TRMT44: variants seen among roughly 807,000 people sequenced by gnomAD.
TRMT44 encodes probable tRNA (uracil-O(2)-)-methyltransferase.
TRMT44 carries 78 observed loss-of-function variants against 77.3 expected under a neutral mutation model. That is an observed-to-expected ratio of 1.01 (90% confidence interval 0.84 to 1.22). TRMT44 has a LOEUF of 1.22. TRMT44 is among the 50% of genes most tolerant of loss of function. TRMT44 has a pLI of 0.00. For missense variants in TRMT44, 1,090 were observed against 964.4 expected (o/e 1.13, Z -1.73); for synonymous variants, 391 against 383.3 (o/e 1.02, Z -0.23).
rs149314248 is a variant in TRMT44 at position 8,471,140 on chromosome 4, C to T, written c.1984C>T (p.Leu662=). The T allele has an allele frequency of 6.2e-7, 1 of 1,611,358 alleles. No individual in the cohort carries two copies. The highest frequency in any genetic ancestry group is 2.2e-5 in the East Asian group (1 of 44,638). Residue 662 remains leucine (L), a synonymous_variant, in exon 10 of 11, where the codon CTG becomes TTG. Coordinates refer to ENST00000389737, the MANE Select transcript of TRMT44 (RefSeq NM_152544.3). The part of the protein sequence containing the change: ...NELDTETLRR[L]KRECGGLQTL... ...GCTGGACACGGAGACCCTGCGGAGG[C>T]TGAAGCGGGAGTGTGGGGGCCTGCA...
chr4:8,500,255 G>A, the TRMT44 span, among the ~76,000 whole-genome samples: 1 of 152,122 alleles, frequency 6.6e-6, no homozygotes, highest in Non-Finnish European at 1.5e-5. Flanking sequence ...ACTTCAGGAG[G>A]CTGAGGCGGG....
Position 8,465,298 on chromosome 4 carries a change from G to A in TRMT44, c.1311-80G>A, listed in dbSNP as rs1726451123. ...CCCTATTTTGCCCTGATATGCGATT[G>A]CCGTGTGGCTTTGTTCCGAATTTCC... On this transcript the variant is annotated intron_variant, in intron 7 of 10. Transcript: ENST00000389737. 14 of 1,394,722 alleles carry A rather than the reference G, an allele frequency of 1.0e-5. No homozygotes were observed. In the South Asian group the frequency reaches 1.9e-4, roughly 19 times the overall value. 86.4% of individuals were successfully genotyped at this position (1,394,722 alleles called of 1,614,324 possible).
At chr4:8,478,125 G>C (rs1305616857), downstream of TRMT44, 2 of 152,936 alleles carry the variant, frequency 1.3e-5, no homozygotes, top group Non-Finnish European at 2.9e-5. Flanking sequence ...GGAGACAGGA[G>C]AGTGGCCACA....
the TRMT44 span, among the ~76,000 whole-genome samples, chr4:8,503,140 C>CT: frequency 2.6e-5 from 4 of 152,208 alleles, no homozygotes; most frequent in Admixed American, 2.6e-4. Context: ...AGGACTTGGA[C>CT]TTGGCAGGGG....
At chr4:8,469,556 G>T (rs1330997117) in intron 9 of TRMT44, among the ~76,000 whole-genome samples, 1 of 152,240 alleles carries the variant, frequency 6.6e-6, no homozygotes, top group Non-Finnish European at 1.5e-5. Flanking sequence ...TGTCAGCTGT[G>T]CCTGGGATGG....
At chr4:8,495,213 A>T (rs1391285391), downstream of TRMT44, among the ~76,000 whole-genome samples, 1 of 152,238 alleles carries the variant, frequency 6.6e-6, no homozygotes, top group Non-Finnish European at 1.5e-5. Flanking sequence ...GTCCTGCTGC[A>T]CTTGGGCAGT....
the TRMT44 span, among the ~76,000 whole-genome samples, chr4:8,503,461 C>T: frequency 6.6e-6 from 1 of 152,224 alleles, no homozygotes. Flanking sequence ...CAGGGCCATG[C>T]ACCCACCAGC....
intron 10 of TRMT44, among the ~76,000 whole-genome samples, chr4:8,474,587 C>T (rs1027345124): frequency 6.6e-6 from 1 of 152,226 alleles, no homozygotes; most frequent in Non-Finnish European, 1.5e-5. Flanking sequence ...TTGCCACACA[C>T]AAGGTGATTT....
intron 2 of TRMT44, among the ~76,000 whole-genome samples, chr4:8,490,901 C>T (rs1206587455): frequency 6.6e-6 from 1 of 152,152 alleles, no homozygotes; most frequent in East Asian, 1.9e-4. Flanking sequence ...CAAAGGTTCT[C>T]CACGTCCCCA....
the TRMT44 span, among the ~76,000 whole-genome samples, chr4:8,504,061 A>G: frequency 6.6e-6 from 1 of 151,332 alleles, no homozygotes; most frequent in Non-Finnish European, 1.5e-5. The surrounding 1 kb of genome is among the most constrained non-coding windows in gnomAD (Gnocchi z 5.3). Context: ...CTCCCCCTCC[A>G]GCCTCTGAGC....
intron 6 of TRMT44, 43 bp downstream of exon 6, chr4:8,454,856 A>G: frequency 6.3e-7 from 1 of 1,577,058 alleles, no homozygotes; most frequent in Non-Finnish European, 8.7e-7. Context: ...AGCATGGCTT[A>G]GCTCCCAGTG....
At chr4:8,495,216 T>C (rs1728117146), downstream of TRMT44, among the ~76,000 whole-genome samples, 1 of 152,214 alleles carries the variant, frequency 6.6e-6, no homozygotes, top group African/African-American at 2.4e-5. Context: ...CTGCTGCACT[T>C]GGGCAGTTTG....
chr4:8,475,874 C>T lies in TRMT44; in HGVS notation c.2147C>T (p.Thr716Ile). 4 of 1,614,238 alleles carry T rather than the reference C, an allele frequency of 2.5e-6. No individual in the cohort carries two copies. The highest frequency in any genetic ancestry group is 3.4e-6 in the Non-Finnish European group (4 of 1,180,054). The change falls in exon 11 of 11, where the codon ACC (threonine) becomes ATC (isoleucine). Residue 716 changes from threonine to isoleucine, a missense_variant. By Grantham distance (89) the Thr-to-Ile change is moderately conservative (BLOSUM62 -1). Coordinates refer to ENST00000389737, the MANE Select transcript of TRMT44 (RefSeq NM_152544.3). ...KQRLLSEACK[T>I]RLCWFFMHHP... ...AGACTGCTCTCTGAAGCCTGCAAAA[C>T]CCGCCTCTGCTGGTTCTTCATGCAT...
At position 8,484,378 on chromosome 4, in the gene TRMT44, C is replaced by T. The variant is rs552109807; in HGVS notation, n.3891+4845C>T. Reference sequence around the variant, plus strand: ...GGAGCCGGAGAGCAGAAAGTATATGCGTCAGGTGTGAGGAAGAACATAGAT... The same window carrying T: ...GGAGCCGGAGAGCAGAAAGTATATGTGTCAGGTGTGAGGAAGAACATAGAT... On this transcript the variant is annotated intron_variant and non_coding_transcript_variant, in intron 2 of 2. Transcript: ENST00000511366. Among the ~76,000 whole-genome samples, 33 of 152,104 alleles carry T rather than the reference C, an allele frequency of 2.2e-4. No homozygotes were observed. The East Asian group carries it at 4.1e-3, about 19-fold the overall frequency.
chr4:8,480,531 G>A (rs1193937263), downstream of TRMT44, among the ~76,000 whole-genome samples: 1 of 152,206 alleles, frequency 6.6e-6, no homozygotes, highest in Non-Finnish European at 1.5e-5. Context: ...GTCATACTCT[G>A]CCATTTTGTC....
chr4:8,484,408 G>A (rs1453955913), intron 2 of TRMT44, among the ~76,000 whole-genome samples: 2 of 152,130 alleles, frequency 1.3e-5, no homozygotes, highest in African/African-American at 2.4e-5. Flanking sequence ...ATAGATTTTG[G>A]AAATTATGAG....
At chr4:8,512,777 G>A in the TRMT44 span, among the ~76,000 whole-genome samples, 2 of 152,146 alleles carry the variant, frequency 1.3e-5, no homozygotes, top group African/African-American at 2.4e-5. Context: ...TTATGAATGT[G>A]GTTTGTCTGC....
rs1052092927 is a variant in TRMT44, at chr4:8,468,313, C to T, written c.1894C>T (p.Arg632Ter). ...AAAGCAATTAAACACAAGAAGTTCTCGAAATGGGAGTTTGAAGACCTGGAA... is the reference window on the plus strand; with the variant it reads ...AAAGCAATTAAACACAAGAAGTTCTTGAAATGGGAGTTTGAAGACCTGGAA... ...GGKQLNTRSS[R>*]NGSLKTWNGG... Residue 632 changes from arginine (R) to a stop codon, truncating the protein, a stop_gained, in exon 9 of 11, where the codon CGA (arginine) becomes TGA (stop). Transcript: ENST00000389737. LOFTEE classifies it high-confidence loss of function. 77 of 1,614,022 alleles carry T rather than the reference C, an allele frequency of 4.8e-5. No individual in the cohort carries two copies. The highest frequency in any genetic ancestry group is 4.9e-5 in the Non-Finnish European group (58 of 1,180,054).
chr4:8,500,605 T>C, the TRMT44 span, among the ~76,000 whole-genome samples: 1 of 151,622 alleles, frequency 6.6e-6, no homozygotes, highest in South Asian at 2.1e-4. Context: ...ACTCCAGGGG[T>C]CTGAATGAAG....
Sources: gnomAD v4.1 joint callset for allele counts (sites outside exome capture counted in the v4.1 genomes callset) on GRCh38, gnomAD v4.1.1 for gene constraint, Gnocchi (gnomAD v3.1) non-coding constraint, MANE v1.5 for transcripts, NCBI Gene and HGNC (gene_info 2026-07-23, HGNC 2026-07-21) for gene names.